Variants in CACNA2D3 observed in about 807,000 individuals in gnomAD.
CACNA2D3 encodes the protein voltage-dependent calcium channel subunit alpha-2/delta-3.
In CACNA2D3, 60 loss-of-function variants were observed where a neutral mutation model predicts 160.6. That is an observed-to-expected ratio of 0.37 (90% CI 0.30 to 0.46). CACNA2D3 has a LOEUF of 0.46. Ranked by LOEUF, CACNA2D3 falls within the 20% of genes least tolerant of loss-of-function variation. The pLI, the probability that CACNA2D3 is intolerant of heterozygous loss-of-function variation, is 1.00. For missense variants in CACNA2D3, 1,205 were observed against 1,365.0 expected (o/e 0.88, Z 1.85); for synonymous variants, 558 against 492.9 (o/e 1.13, Z -1.75).
chr3:54,479,648 T>C (rs1284603647), intron 4 of CACNA2D3, among the ~76,000 whole-genome samples: 2 of 152,076 alleles, frequency 1.3e-5, no homozygotes, highest in African/African-American at 4.8e-5. Context: ...CAGAAACCGA[T>C]AGGAGAGAAG....
chr3:54,901,648 C>T (rs1700336065), intron 27 of CACNA2D3, among the ~76,000 whole-genome samples: 1 of 152,170 alleles, frequency 6.6e-6, no homozygotes, highest in Non-Finnish European at 1.5e-5. Flanking sequence ...CCCCCATTTT[C>T]AGAAGATAAT....
intron 35 of CACNA2D3, among the ~76,000 whole-genome samples, chr3:55,020,843 C>G (rs1032799758): frequency 1.3e-5 from 2 of 149,974 alleles, no homozygotes. Flanking sequence ...GAGCTAGATT[C>G]CGTCTCAAAA....
chr3:54,388,138 G>A (rs1362562873), intron 4 of CACNA2D3, among the ~76,000 whole-genome samples: 1 of 152,208 alleles, frequency 6.6e-6, no homozygotes, highest in African/African-American at 2.4e-5. Flanking sequence ...AAAAGGCAAT[G>A]GTGGCATACC....
chr3:54,747,492 T>C (rs528434372), intron 11 of CACNA2D3, among the ~76,000 whole-genome samples: 38 of 152,310 alleles, frequency 2.5e-4, no homozygotes, highest in Admixed American at 2.4e-3. Context: ...GAGTGCACTG[T>C]TCATGGCCTA....
At chr3:54,403,399 G>T (rs950881067) in intron 4 of CACNA2D3, among the ~76,000 whole-genome samples, 2 of 114,822 alleles carry the variant, frequency 1.7e-5, no homozygotes, top group South Asian at 3.1e-4. Flanking sequence ...ACACACACAC[G>T]CACACACAAT....
chr3:54,563,429 C>T (rs1017780164), intron 6 of CACNA2D3, among the ~76,000 whole-genome samples: 1 of 152,146 alleles, frequency 6.6e-6, no homozygotes, highest in African/African-American at 2.4e-5. Flanking sequence ...GCGTCGCTGA[C>T]GGCAAGAACC....
chr3:54,171,598 T>C (rs1348842516), intron 2 of CACNA2D3, among the ~76,000 whole-genome samples: 1 of 152,172 alleles, frequency 6.6e-6, no homozygotes, highest in African/African-American at 2.4e-5. Context: ...CACAGATGAT[T>C]AGGTAAGGTG....
chr3:54,547,431 G>A (rs759019149), intron 5 of CACNA2D3, among the ~76,000 whole-genome samples: 3 of 152,096 alleles, frequency 2.0e-5, no homozygotes, highest in African/African-American at 7.2e-5. Flanking sequence ...CAGATCTCTT[G>A]TGAGATTTGC....
At chr3:54,141,971 A>G (rs1202920517) in intron 2 of CACNA2D3, among the ~76,000 whole-genome samples, 1 of 152,252 alleles carries the variant, frequency 6.6e-6, no homozygotes, top group East Asian at 1.9e-4. Flanking sequence ...GGCATATCTC[A>G]AATAATTAGA....
At chr3:54,380,560 A>C (rs1699084628) in intron 3 of CACNA2D3, among the ~76,000 whole-genome samples, 2 of 152,070 alleles carry the variant, frequency 1.3e-5, no homozygotes. Context: ...AACACAGTGA[A>C]ATCCTGTCTC....
chr3:54,572,637 T>C (rs1702518223), intron 8 of CACNA2D3, among the ~76,000 whole-genome samples: 1 of 152,236 alleles, frequency 6.6e-6, no homozygotes, highest in African/African-American at 2.4e-5. Context: ...TGAAATTATA[T>C]GGCCTTGAGG....
intron 3 of CACNA2D3, among the ~76,000 whole-genome samples, chr3:54,353,393 T>A (rs58521503): frequency 0.036 from 5,506 of 152,198 alleles, 357 homozygotes; most frequent in African/African-American, 0.13. Flanking sequence ...AATCTCACCT[T>A]TGCCCCCTGC....
chr3:54,380,424 G>T (rs1013298662), intron 3 of CACNA2D3, among the ~76,000 whole-genome samples: 1 of 152,206 alleles, frequency 6.6e-6, no homozygotes, highest in Non-Finnish European at 1.5e-5. Context: ...GACAAATGGT[G>T]TAACTCCAAC....
intron 2 of CACNA2D3, among the ~76,000 whole-genome samples, chr3:54,294,425 C>A (rs1703291314): frequency 6.6e-6 from 1 of 151,358 alleles, no homozygotes; most frequent in African/African-American, 2.4e-5. Flanking sequence ...TCCTGCCCAC[C>A]AGCCCTCTGC....
chr3:54,529,236 T>C (rs1701770011), intron 5 of CACNA2D3, among the ~76,000 whole-genome samples: 1 of 152,218 alleles, frequency 6.6e-6, no homozygotes, highest in African/African-American at 2.4e-5. Context: ...TGGGCTCATG[T>C]AGTATGCATA....
chr3:54,265,565 G>GTGTA (rs373777798), intron 2 of CACNA2D3, among the ~76,000 whole-genome samples: 5 of 139,542 alleles, frequency 3.6e-5, no homozygotes, highest in African/African-American at 8.3e-5. Context: ...TGTATAGTGT[G>GTGTA]TATATATATA....
intron 13 of CACNA2D3, among the ~76,000 whole-genome samples, chr3:54,783,395 C>T (rs1043343544): frequency 1.3e-5 from 2 of 152,140 alleles, no homozygotes; most frequent in African/African-American, 4.8e-5. Context: ...CACTTGAGGT[C>T]AGGAGTTCAA....
At chr3:54,652,465 G>T (rs1274507646) in intron 11 of CACNA2D3, among the ~76,000 whole-genome samples, 7 of 152,176 alleles carry the variant, frequency 4.6e-5, no homozygotes, top group African/African-American at 7.2e-5. Context: ...AAGAACCTGA[G>T]ACAGAGAATG....
intron 13 of CACNA2D3, 127 bp downstream of exon 13, chr3:54,764,478 G>T (rs777348441): frequency 8.5e-7 from 1 of 1,179,496 alleles, no homozygotes; most frequent in Non-Finnish European, 1.2e-6. Flanking sequence ...TTGATTGTTT[G>T]TATAGTGTTG....
Sources: allele counts gnomAD v4.1 joint callset (sites outside exome capture counted in the v4.1 genomes callset), GRCh38; gene constraint gnomAD v4.1.1; transcripts MANE v1.5; gene names NCBI Gene and HGNC (gene_info 2026-07-23, HGNC 2026-07-21).